Variants in CHIC1 observed in about 807,000 individuals in gnomAD.
CHIC1 encodes the protein cysteine rich hydrophobic domain 1.
CHIC1 carries 7 observed loss-of-function variants against 18.5 expected under a neutral mutation model. The observed-to-expected ratio is 0.38, with a 90% CI of 0.22 to 0.71. The LOEUF is 0.71. Among genes scored for constraint, CHIC1 ranks in the 30% least tolerant of loss-of-function variants. The pLI is 0.49. For missense variants in CHIC1, 159 were observed against 176.9 expected, an observed-to-expected ratio of 0.90 and a Z score of 0.57; for synonymous variants, 77 against 73.5, an observed-to-expected ratio of 1.05 and a Z score of -0.25.
At chrX:73,670,169 C>G (rs1308880753) in intron 3 of CHIC1, among the ~76,000 whole-genome samples, 3 of 111,049 alleles carry the variant, frequency 2.7e-5, no homozygotes, top group African/African-American at 9.8e-5. Flanking sequence ...TGGGGTTTCT[C>G]TTGGCTCCAT....
At chrX:73,602,091 A>G (rs1283945398) in intron 3 of CHIC1, among the ~76,000 whole-genome samples, 2 of 106,667 alleles carry the variant, frequency 1.9e-5, no homozygotes, top group Non-Finnish European at 3.8e-5. Context: ...TACCAACTGA[A>G]AAAAGCCCAG....
intron 3 of CHIC1, among the ~76,000 whole-genome samples, chrX:73,666,452 G>A (rs934486149): frequency 2.7e-5 from 3 of 111,859 alleles, no homozygotes; most frequent in Non-Finnish European, 5.6e-5. Context: ...GGGAGGCTAG[G>A]CCAGTCTCTC....
rs553495533 is a variant in CHIC1 at position 73,656,426 on chromosome X, A to T, written c.508-22900A>T. Among the ~76,000 whole-genome samples, 5 of 111,567 alleles carry T rather than the reference A, an allele frequency of 4.5e-5. No homozygotes were observed. In the East Asian group the frequency reaches 1.1e-3, roughly 25 times the overall value. The stretch of plus-strand genomic sequence containing the variant: ...CTAGATTTTCTTTTAGGGATTTTAT[A>T]GTTTGGGGTTTTATATTTAAGTCTT... On this transcript the variant is annotated intron_variant, in intron 3 of 5. Transcript: ENST00000373502.
At chrX:73,661,131 G>A (rs759089945) in intron 3 of CHIC1, among the ~76,000 whole-genome samples, 3 of 111,882 alleles carry the variant, frequency 2.7e-5, no homozygotes, top group Non-Finnish European at 5.6e-5. Flanking sequence ...TTGAAATTGT[G>A]AGCTGGCATA....
chrX:73,668,497 C>G (rs1045813545), intron 3 of CHIC1, among the ~76,000 whole-genome samples: 1 of 111,578 alleles, frequency 9.0e-6, no homozygotes, highest in Admixed American at 9.5e-5. Context: ...GTGGGATTAT[C>G]TACCTTTGAT....
intron 1 of CHIC1, among the ~76,000 whole-genome samples, chrX:73,571,755 T>G (rs902385508): frequency 1.8e-5 from 2 of 111,530 alleles, no homozygotes; most frequent in African/African-American, 6.5e-5. Flanking sequence ...ATTTATTTAC[T>G]CGACTATTTT....
intron 3 of CHIC1, among the ~76,000 whole-genome samples, chrX:73,655,507 CAT>C (rs1236995183): frequency 4.5e-5 from 3 of 66,128 alleles, no homozygotes; most frequent in Non-Finnish European, 8.3e-5. Flanking sequence ...TATATATATA[CAT>C]ATATACACAA....
intron 2 of CHIC1, among the ~76,000 whole-genome samples, chrX:73,583,837 A>T: frequency 9.0e-6 from 1 of 111,476 alleles, no homozygotes; most frequent in Middle Eastern, 4.2e-3. Flanking sequence ...TTTTATACTG[A>T]ATATTAACAG....
intron 3 of CHIC1, among the ~76,000 whole-genome samples, chrX:73,604,420 C>T (rs762823701): frequency 9.3e-6 from 1 of 107,424 alleles, no homozygotes; most frequent in African/African-American, 3.6e-5. Context: ...ATTAGTCTGG[C>T]TAGCGGTCTA....
At chrX:73,667,653 T>C (rs1207966737) in intron 3 of CHIC1, among the ~76,000 whole-genome samples, 4 of 111,743 alleles carry the variant, frequency 3.6e-5, no homozygotes, top group Non-Finnish European at 7.5e-5. Context: ...GAAATTCTTT[T>C]CTTTAAGAAT....
chrX:73,572,044 T>A (rs768669065), intron 1 of CHIC1, among the ~76,000 whole-genome samples: 1 of 110,670 alleles, frequency 9.0e-6, no homozygotes, highest in Non-Finnish European at 1.9e-5. Flanking sequence ...TGGGGTACAA[T>A]TGAACCCATC....
intron 3 of CHIC1, among the ~76,000 whole-genome samples, chrX:73,659,536 A>C (rs761333625): frequency 2.3e-4 from 26 of 110,776 alleles, no homozygotes; most frequent in African/African-American, 8.2e-4. Context: ...ATTGACTGGC[A>C]GGAATGCCTT....
intron 3 of CHIC1, among the ~76,000 whole-genome samples, chrX:73,592,159 T>G (rs779400774): frequency 1.8e-5 from 2 of 111,200 alleles, no homozygotes; most frequent in Admixed American, 1.9e-4. Context: ...AGAGGTAGTT[T>G]CACTTTTTTA....
chrX:73,643,399 A>G (rs1319251445), intron 3 of CHIC1, among the ~76,000 whole-genome samples: 5 of 109,868 alleles, frequency 4.6e-5, no homozygotes, highest in African/African-American at 1.7e-4. Context: ...TATTTCCTGA[A>G]TCTGAATGTT....
intron 2 of CHIC1, among the ~76,000 whole-genome samples, chrX:73,583,658 G>A (rs1446763510): frequency 9.0e-6 from 1 of 111,236 alleles, no homozygotes; most frequent in East Asian, 2.8e-4. Flanking sequence ...AGAATTTTTG[G>A]TATAAATCTA....
chrX:73,612,555 CTTG>C (rs986164382), intron 3 of CHIC1, among the ~76,000 whole-genome samples: 5 of 111,652 alleles, frequency 4.5e-5, no homozygotes, highest in Non-Finnish European at 9.4e-5. Flanking sequence ...TCCCTAATTT[CTTG>C]TTAACCCCAT....
At chrX:73,588,912 T>C (rs964496027) in intron 3 of CHIC1, among the ~76,000 whole-genome samples, 7 of 110,657 alleles carry the variant, frequency 6.3e-5, no homozygotes, top group African/African-American at 2.3e-4. Flanking sequence ...TATTTTCATT[T>C]CTGATTCTAG....
At position 73,604,502 on chromosome X, in the gene CHIC1, C is replaced by T. The variant is rs959311494; in HGVS notation, c.507+19930C>T. On this transcript the variant is annotated intron_variant, in intron 3 of 5. Transcript: ENST00000373502. ...TTTGAAGGGTTTTTCGTGTCTCTATCTCCCAGTTCTGCTCTGATCTTAATT... is the reference window on the plus strand; with the variant it reads ...TTTGAAGGGTTTTTCGTGTCTCTATTTCCCAGTTCTGCTCTGATCTTAATT... Among the ~76,000 whole-genome samples the T allele has an allele frequency of 5.0e-4, 54 of 107,093 alleles. 5 individuals are homozygous for T. Among genetic ancestry groups the T allele is most frequent in the African/African-American group, 1.9e-3 (51 of 26,564 alleles). The allele number at this position is 107,093 out of a possible 115,157, so 93.0% of individuals were successfully genotyped here.
chrX:73,645,762 T>C lies in CHIC1; in HGVS notation c.508-33564T>C, dbSNP rs185786992. On this transcript the variant is annotated intron_variant, in intron 3 of 5. Transcript: ENST00000373502. ...CACCTATTTTTGGTAATTGGATTGT[T>C]TTACTACAGTTTGAGTTTCTTATGT... Among the ~76,000 whole-genome samples, 3 of 111,841 alleles carry C rather than the reference T, an allele frequency of 2.7e-5. No homozygotes were observed. The Admixed American group carries it at 2.8e-4, about 11-fold the overall frequency.
Sources: allele counts gnomAD v4.1 joint callset (sites outside exome capture counted in the v4.1 genomes callset), GRCh38; gene constraint gnomAD v4.1.1; transcripts MANE v1.5; gene names NCBI Gene and HGNC (gene_info 2026-07-23, HGNC 2026-07-21).